RAD23B: variants seen among roughly 807,000 people sequenced by gnomAD.
RAD23B encodes the protein lysine-specific demethylase RAD23B.
A neutral mutation model predicts 49.1 loss-of-function variants in RAD23B; 5 were observed. That is an observed-to-expected ratio of 0.10 (90% CI 0.05 to 0.21). The LOEUF (loss-of-function observed/expected upper bound fraction) is 0.21. RAD23B is among the 10% of genes least tolerant of loss of function. The probability of loss-of-function intolerance (pLI) is 1.00; values close to 1 mark genes in which losing one functional copy is unlikely to be tolerated. For synonymous variants in RAD23B, 184 were observed against 165.4 expected, an observed-to-expected ratio of 1.11 and a Z score of -0.86; for missense variants, 356 against 486.7, an observed-to-expected ratio of 0.73 and a Z score of 2.53.
At chr9:107,295,122 G>A (rs554646459) in intron 1 of RAD23B, among the ~76,000 whole-genome samples, 1 of 152,260 alleles carries the variant, frequency 6.6e-6, no homozygotes, top group South Asian at 2.1e-4. Context: ...GCAGCAGAAT[G>A]AGAATAAATT....
chr9:107,323,189 T>C (rs1313223598), intron 7 of RAD23B, among the ~76,000 whole-genome samples: 4 of 152,228 alleles, frequency 2.6e-5, no homozygotes, highest in African/African-American at 9.6e-5. Flanking sequence ...CTGTATTTTA[T>C]ATTTTATTTG....
chr9:107,306,497 C>T lies in RAD23B; in HGVS notation c.347C>T (p.Ala116Val), dbSNP rs773862253. The T allele has an allele frequency of 2.5e-6, 4 of 1,614,210 alleles. No individual in the cohort carries two copies. The highest frequency in any genetic ancestry group is 2.2e-5 in the South Asian group (2 of 91,090). Residue 116 changes from alanine (A) to valine (V), a missense_variant, in exon 4 of 10, where the codon GCC becomes GTC. Physicochemically the swap from Ala to Val is moderately conservative, Grantham distance 64 (BLOSUM62 0). Coordinates refer to ENST00000358015, the MANE Select transcript of RAD23B (RefSeq NM_002874.5). The part of the protein sequence containing the change: ...TVAQAPTPVP[A>V]LAPTSTPASI... The stretch of plus-strand genomic sequence containing the variant: ...GCTCAGGCTCCAACCCCTGTCCCTG[C>T]CTTGGCCCCCACTTCCACACCTGCA...
chr9:107,319,899 A>G (rs1249174709), intron 6 of RAD23B, among the ~76,000 whole-genome samples: 1 of 152,128 alleles, frequency 6.6e-6, no homozygotes, highest in Non-Finnish European at 1.5e-5. Context: ...AAAATCTCAG[A>G]CTTCTATAAT....
Position 107,321,999 on chromosome 9 carries a change from G to A in RAD23B, c.698G>A (p.Arg233Lys), listed in dbSNP as rs1051208451. 1 of 1,610,666 alleles carries A rather than the reference G, an allele frequency of 6.2e-7. No homozygotes were observed. ...CTATTACAGGGAATCCCTGGAGATA[G>A]AGAAAGTCAGGCTGTGGTTGACCCC... ...EYLLMGIPGDRESQAVVDPPQ... is the reference protein window; with the variant it reads ...EYLLMGIPGDKESQAVVDPPQ... Residue 233 changes from arginine to lysine, a missense_variant, in exon 7 of 10, where the codon AGA (arginine) becomes AAA (lysine). This residue lies in a region of RAD23B where 148 missense variants were observed against 231.7 expected (regional missense o/e 0.64). Transcript: ENST00000358015.
intron 6 of RAD23B, among the ~76,000 whole-genome samples, chr9:107,321,258 AGTAT>A (rs1170664305): frequency 2.0e-3 from 2 of 976 alleles, no homozygotes; most frequent in African/African-American, 0.011. Context: ...AGATACTTTA[AGTAT>A]CTCATTTATG....
rs552525900 is a variant in RAD23B, at chr9:107,317,091, CGTGCGT to C, written c.554-1657_554-1652del. Among the ~76,000 whole-genome samples the C allele has an allele frequency of 9.9e-3, 535 of 54,134 alleles. 3 individuals carry two copies. Among genetic ancestry groups the C allele is most frequent in the African/African-American group, 0.069 (506 of 7,348 alleles). 35.5% of individuals were successfully genotyped at this position (54,134 alleles called of 152,430 possible). On this transcript the variant is annotated intron_variant, in intron 5 of 9. Transcript: ENST00000358015. ...TAAAATGAGGGGTTTTGCGCACACG[CGTGCGT>C]GTGTGTGTGTGTGTGTGTGTGTGTT...
chr9:107,284,033 C>T (rs1281210060), intron 1 of RAD23B: 2 of 1,051,186 alleles, frequency 1.9e-6, no homozygotes, highest in Middle Eastern at 4.3e-4. Context: ...TAGAGCCTGG[C>T]TTTCTGGTAT....
At chr9:107,319,729 T>C (rs1040088555) in intron 6 of RAD23B, among the ~76,000 whole-genome samples, 5 of 151,940 alleles carry the variant, frequency 3.3e-5, no homozygotes, top group African/African-American at 1.2e-4. Context: ...TCAGTAGGAG[T>C]TGAGGGACTT....
Position 107,286,666 on chromosome 9 carries a change from A to G in RAD23B, c.66+2971A>G, listed in dbSNP as rs529203074. ...CCATTGCTAGGAGATTTTCTTCATT[A>G]TGTGCTTTTTTTGTTTTTTACTGTA... On this transcript the variant is annotated intron_variant, in intron 1 of 9. Transcript: ENST00000358015. Among the ~76,000 whole-genome samples, 4 of 152,250 alleles carry G rather than the reference A, an allele frequency of 2.6e-5. No individual in the cohort carries two copies. In the South Asian group the frequency reaches 8.3e-4, roughly 32 times the overall value.
intron 2 of RAD23B, 73 bp downstream of exon 2, chr9:107,300,295 A>T: frequency 7.0e-7 from 1 of 1,434,534 alleles, no homozygotes; most frequent in Non-Finnish European, 9.3e-7. Context: ...TATCTTATAT[A>T]TTGTAGTATA....
intron 4 of RAD23B, among the ~76,000 whole-genome samples, chr9:107,308,121 TAAAA>T (rs951655428): frequency 1.4e-5 from 2 of 146,224 alleles, no homozygotes; most frequent in African/African-American, 5.0e-5. Flanking sequence ...AGCTCCTTTT[TAAAA>T]AAAAAAAGCT....
At chr9:107,283,822 T>C in intron 1 of RAD23B, 127 bp downstream of exon 1, 1 of 974,756 alleles carries the variant, frequency 1.0e-6, no homozygotes. Flanking sequence ...CCCTGGGTCC[T>C]GGTGCCGGCC....
chr9:107,306,077 A>C (rs1826762582), intron 3 of RAD23B, among the ~76,000 whole-genome samples: 1 of 93,020 alleles, frequency 1.1e-5, no homozygotes, highest in Admixed American at 1.0e-4. Context: ...ATATATCTAT[A>C]TATCTATATA....
chr9:107,306,070 T>TAC (rs1564245542), intron 3 of RAD23B, among the ~76,000 whole-genome samples: 5 of 114,526 alleles, frequency 4.4e-5, no homozygotes, highest in Non-Finnish European at 6.8e-5. Context: ...TATATATATA[T>TAC]ATCTATATAT....
At chr9:107,285,333 A>G (rs561911941) in intron 1 of RAD23B, among the ~76,000 whole-genome samples, 3 of 152,336 alleles carry the variant, frequency 2.0e-5, no homozygotes, top group South Asian at 2.1e-4. Flanking sequence ...TAAAATGCCT[A>G]TTTGACTTTG....
At position 107,330,223 on chromosome 9, in the gene RAD23B, G is replaced by A. The variant is rs1827283050; in HGVS notation, c.*567G>A. ...TCTTTCATGTTAAATACTTGGGGTG[G>A]GAGGGGAGAAAGGGAACCTTTTCTT... is the stretch of plus-strand genomic sequence containing the variant. On this transcript the variant is annotated 3_prime_UTR_variant, in exon 10 of 10. Transcript: ENST00000358015. This position sits in a 1 kb window ranked among gnomAD's most constrained non-coding sequence, Gnocchi z 4.4. The A allele has an allele frequency of 6.6e-6, 1 of 152,550 alleles. No individual in the cohort carries two copies. Among genetic ancestry groups the A allele is most frequent in the Non-Finnish European group, 1.5e-5 (1 of 68,042 alleles). 9.4% of individuals were successfully genotyped at this position (152,550 alleles called of 1,614,324 possible). A position where few individuals can be genotyped will look rare whatever the true frequency, so the allele number is the denominator to read the frequency against.
intron 2 of RAD23B, among the ~76,000 whole-genome samples, chr9:107,301,223 T>A (rs1034628736): frequency 6.6e-6 from 1 of 152,232 alleles, no homozygotes; most frequent in Admixed American, 6.5e-5. Context: ...CATGTCGTTT[T>A]CTGAAGTACT....
At chr9:107,304,892 A>C (rs769822886) in intron 3 of RAD23B, among the ~76,000 whole-genome samples, 2 of 152,072 alleles carry the variant, frequency 1.3e-5, no homozygotes, top group African/African-American at 4.8e-5. Context: ...CTAATAGCCT[A>C]CTCTTGACCA....
intron 3 of RAD23B, among the ~76,000 whole-genome samples, chr9:107,306,065 A>G (rs187891584): frequency 7.4e-6 from 1 of 134,588 alleles, no homozygotes; most frequent in Non-Finnish European, 1.6e-5. Context: ...ATATATATAT[A>G]TATATATCTA....
Sources: allele counts gnomAD v4.1 joint callset (sites outside exome capture counted in the v4.1 genomes callset), GRCh38; gene constraint gnomAD v4.1.1; regional missense constraint gnomAD v4.1.1; non-coding constraint Gnocchi (gnomAD v3.1); transcripts MANE v1.5; gene names NCBI Gene and HGNC (gene_info 2026-07-23, HGNC 2026-07-21).